Variants in ANKDD1A observed in about 807,000 individuals in gnomAD.
ANKDD1A encodes the protein ankyrin repeat and death domain-containing protein 1A.
In ANKDD1A, 59 loss-of-function variants were observed where a neutral mutation model predicts 63.5. The observed-to-expected ratio is 0.93, with a 90% CI of 0.75 to 1.15. ANKDD1A has a LOEUF of 1.15. Ranked by LOEUF, ANKDD1A falls within the 50% of genes most tolerant of loss-of-function variation. The pLI is 0.00. For missense variants in ANKDD1A, 632 were observed against 656.4 expected (o/e 0.96, Z 0.41); for synonymous variants, 266 against 263.9 (o/e 1.01, Z -0.08).
At chr15:64,953,853 CCTCTTCTTCCTCTTTCTTCTTCA>C (rs2085362793) in intron 14 of ANKDD1A, among the ~76,000 whole-genome samples, 7 of 10,946 alleles carry the variant, frequency 6.4e-4, no homozygotes, top group East Asian at 0.012. Flanking sequence ...TTTCTTCTTT[CCTCTTCTTCCTCTTTCTTCTTCA>C]TTCTTTCTTC....
chr15:64,942,787 C>T (rs761372559), intron 10 of ANKDD1A, among the ~76,000 whole-genome samples: 4 of 151,890 alleles, frequency 2.6e-5, no homozygotes, highest in Non-Finnish European at 5.9e-5. Context: ...GTTTTGGCCA[C>T]GGTCTATAAC....
chr15:64,947,355 TC>T lies in ANKDD1A; in HGVS notation c.1162-48del, dbSNP rs755257751. ...GGGCCTCGGCTCGGCACTGCCCCTG[TC>T]TGGGATCATGAGGGAGAGCTTCTGC... On this transcript the variant is annotated intron_variant, in intron 12 of 14. Coordinates refer to ENST00000319580, the MANE Select transcript of ANKDD1A (RefSeq NM_182703.6). 4 of 1,584,106 alleles carry T rather than the reference TC, an allele frequency of 2.5e-6. No individual in the cohort carries two copies. In the South Asian group the frequency reaches 4.6e-5, roughly 18 times the overall value.
chr15:64,947,427 G>T lies in ANKDD1A; in HGVS notation c.1185G>T (p.Gly395=), dbSNP rs747446496. The change falls in exon 13 of 15, where the codon GGG becomes GGT. Residue 395 remains glycine (G), a synonymous_variant. Transcript: ENST00000319580. ...AGGACCACCCCAGTGATCCCTCTGG[G>T]AAGAGCTTGTCCTTTAAGCAGGACC... is the stretch of plus-strand genomic sequence containing the variant. The part of the protein sequence containing the change: ...WEKDHPSDPS[G]KSLSFKQDHR... 6.2e-7 allele frequency: 1 copy of T among 1,613,978 alleles called. No homozygotes were observed. Among genetic ancestry groups the T allele is most frequent in the Admixed American group, 1.7e-5 (1 of 60,002 alleles).
chr15:64,952,474 CCTT>C lies in ANKDD1A; in HGVS notation c.1483+2510_1483+2512del, dbSNP rs575821388. 4.8e-3 allele frequency among the ~76,000 whole-genome samples: 693 copies of C among 145,130 alleles called. 8 individuals are homozygous for C. Among genetic ancestry groups the C allele is most frequent in the African/African-American group, 0.017 (647 of 38,018 alleles). ...CTTAGTTCTTCTCCTTCTTCCTTCT[CCTT>C]CTTCTTCCTTCGTCACCGTCTTCTC... On this transcript the variant is annotated intron_variant, in intron 14 of 14. Coordinates refer to ENST00000319580, the MANE Select transcript of ANKDD1A (RefSeq NM_182703.6).
intron 14 of ANKDD1A, chr15:64,950,261 T>A: frequency 1.0e-6 from 1 of 985,394 alleles, no homozygotes; most frequent in Non-Finnish European, 1.2e-6. Context: ...CAGCCCTCTA[T>A]ACCTTGACAT....
chr15:64,927,186 T>C (rs1400635570), intron 6 of ANKDD1A, among the ~76,000 whole-genome samples, 187 bp downstream of exon 6: 1 of 152,274 alleles, frequency 6.6e-6, no homozygotes, highest in African/African-American at 2.4e-5. Flanking sequence ...GGGCCAGCCC[T>C]GTGCTACAGG....
intron 14 of ANKDD1A, among the ~76,000 whole-genome samples, chr15:64,953,035 CCTTT>C (rs771139608): frequency 1.1e-4 from 6 of 54,786 alleles, no homozygotes; most frequent in East Asian, 7.6e-4. Context: ...CCTCCTTCTT[CCTTT>C]CTTCTTTCCT....
intron 9 of ANKDD1A, among the ~76,000 whole-genome samples, chr15:64,940,438 AGAT>A (rs1191661102): frequency 6.8e-4 from 97 of 143,308 alleles, no homozygotes; most frequent in Non-Finnish European, 5.1e-4. Flanking sequence ...ATAGATATAT[AGAT>A]ATTTTTTTTG....
intron 1 of ANKDD1A, among the ~76,000 whole-genome samples, chr15:64,912,946 T>A (rs2084942636): frequency 6.6e-6 from 1 of 152,236 alleles, no homozygotes; most frequent in Non-Finnish European, 1.5e-5. Context: ...CAGAGAATTC[T>A]GGACAAAGAC....
chr15:64,934,029 C>A, intron 8 of ANKDD1A, 107 bp from the exon 9 acceptor site: 1 of 864,234 alleles, frequency 1.2e-6, no homozygotes, highest in Non-Finnish European at 1.8e-6. Context: ...GGATAATACT[C>A]CCAGGGGTGT....
intron 6 of ANKDD1A, among the ~76,000 whole-genome samples, chr15:64,927,440 G>T (rs1362534562): frequency 6.6e-6 from 1 of 152,162 alleles, no homozygotes; most frequent in Non-Finnish European, 1.5e-5. Context: ...GCAGGAATAG[G>T]TTGGGAGCAT....
chr15:64,922,116 C>A, intron 4 of ANKDD1A, 97 bp downstream of exon 4: 1 of 1,091,520 alleles, frequency 9.2e-7, no homozygotes, highest in Non-Finnish European at 1.3e-6. Context: ...GCTTGCCCCT[C>A]CAGCCCCCAA....
intron 8 of ANKDD1A, 80 bp downstream of exon 8, chr15:64,931,665 T>C: frequency 6.9e-7 from 1 of 1,450,260 alleles, no homozygotes; most frequent in African/African-American, 1.4e-5. Flanking sequence ...CCACAGGGAT[T>C]CCTGAACCCT....
intron 12 of ANKDD1A, among the ~76,000 whole-genome samples, chr15:64,946,838 C>T (rs2085227063): frequency 1.3e-5 from 2 of 152,188 alleles, no homozygotes; most frequent in South Asian, 4.1e-4. Flanking sequence ...AACTTAACAA[C>T]CAGAACTCTG....
At chr15:64,945,515 ATAAAG>A (rs2085214992) in intron 12 of ANKDD1A, among the ~76,000 whole-genome samples, 1 of 149,474 alleles carries the variant, frequency 6.7e-6, no homozygotes, top group African/African-American at 2.5e-5. Flanking sequence ...TTGCTCCACT[ATAAAG>A]TAATGTAAGT....
intron 9 of ANKDD1A, among the ~76,000 whole-genome samples, chr15:64,935,500 C>T (rs1312598810): frequency 6.6e-6 from 1 of 151,976 alleles, no homozygotes. Context: ...ATGGTGAAAC[C>T]CCATCTCTAC....
chr15:64,949,621 C>A (rs1199870938), intron 13 of ANKDD1A, among the ~76,000 whole-genome samples: 1 of 152,180 alleles, frequency 6.6e-6, no homozygotes, highest in Non-Finnish European at 1.5e-5. Context: ...GACCAAGACA[C>A]AAACCCTTCC....
chr15:64,942,448 CGTGTATCTCCTCCCACAGCAGG>C lies in ANKDD1A; in HGVS notation c.868-15_874del, dbSNP rs760479502. Reference sequence around the variant, plus strand: ...CCTGGGAGGGACTGGTCGATTGATCCGTGTATCTCCTCCCACAGCAGGGTGCCTCTCCTCTGCACCTCGCTGT... The same window carrying C: ...CCTGGGAGGGACTGGTCGATTGATCCGTGCCTCTCCTCTGCACCTCGCTGT... On this transcript the variant is annotated splice_acceptor_variant and splice_polypyrimidine_tract_variant and coding_sequence_variant and intron_variant, in exon 10 of 15. Transcript: ENST00000319580. LOFTEE classifies it high-confidence loss of function. 2 of 1,591,788 alleles carry C rather than the reference CGTGTATCTCCTCCCACAGCAGG, an allele frequency of 1.3e-6. No homozygotes were observed.
At chr15:64,942,672 CTTTT>C (rs3057944) in intron 10 of ANKDD1A, 107 bp downstream of exon 10, 1,462 of 473,042 alleles carry the variant, frequency 3.1e-3, no homozygotes, top group East Asian at 4.1e-3. Flanking sequence ...TGAGGAATCA[CTTTT>C]TTTTTTTTTT....
Sources: gnomAD v4.1 joint callset for allele counts (sites outside exome capture counted in the v4.1 genomes callset) on GRCh38, gnomAD v4.1.1 for gene constraint, MANE v1.5 for transcripts, NCBI Gene and HGNC (gene_info 2026-07-23, HGNC 2026-07-21) for gene names.